ANKRD44: variants seen among roughly 807,000 people sequenced by gnomAD.
The protein encoded by ANKRD44 is serine/threonine-protein phosphatase 6 regulatory ankyrin repeat subunit B.
In ANKRD44, 35 loss-of-function variants were observed where a neutral mutation model predicts 116.0. That is an observed-to-expected ratio of 0.30 (90% CI 0.23 to 0.40). The LOEUF is 0.40. Ranked by LOEUF, ANKRD44 falls within the 10% of genes least tolerant of loss-of-function variation. ANKRD44 has a pLI of 1.00. For synonymous variants in ANKRD44, 435 were observed against 461.8 expected, an observed-to-expected ratio of 0.94 and a Z score of 0.74; for missense variants, 1,014 against 1,242.6, an observed-to-expected ratio of 0.82 and a Z score of 2.77.
intron 1 of ANKRD44, among the ~76,000 whole-genome samples, chr2:197,288,019 CAA>C (rs10666895): frequency 1.2e-5 from 1 of 81,792 alleles, no homozygotes; most frequent in Non-Finnish European, 2.3e-5. Flanking sequence ...GACTCAGTCT[CAA>C]AAAAAAAAAA....
chr2:197,188,799 G>A (rs1263276682), intron 1 of ANKRD44, among the ~76,000 whole-genome samples: 2 of 152,094 alleles, frequency 1.3e-5, no homozygotes, highest in Non-Finnish European at 1.5e-5. Flanking sequence ...CCTAGTAGTC[G>A]ATTAGATGAC....
chr2:197,103,040 A>T (rs10176750), intron 9 of ANKRD44, among the ~76,000 whole-genome samples: 1,972 of 152,030 alleles, frequency 0.013, 20 homozygotes, highest in Middle Eastern at 0.031. Flanking sequence ...CCATCCTGGC[A>T]AACACGGTGA....
Position 197,132,590 on chromosome 2 carries a change from C to A in ANKRD44, c.261+4002G>T, listed in dbSNP as rs557455029. Among the ~76,000 whole-genome samples, 15 of 152,252 alleles carry A rather than the reference C, an allele frequency of 9.9e-5. No individual in the cohort carries two copies. In the East Asian group the frequency reaches 2.7e-3, roughly 27 times the overall value. ...ATCTGTGTTATATGCAATTGCAAAACCAGCCTTGATTTTGCAGGTTTCAGT... is the reference window on the plus strand; with the variant it reads ...ATCTGTGTTATATGCAATTGCAAAAACAGCCTTGATTTTGCAGGTTTCAGT... On this transcript the variant is annotated intron_variant, in intron 4 of 27. Coordinates refer to ENST00000282272, the MANE Select transcript of ANKRD44 (RefSeq NM_001195144.2).
At chr2:196,986,014 T>A (rs72922638), downstream of ANKRD44, among the ~76,000 whole-genome samples, 5 of 152,136 alleles carry the variant, frequency 3.3e-5, no homozygotes, top group Non-Finnish European at 7.4e-5. Flanking sequence ...AAGCTTCCTC[T>A]TTTTTGATGT....
chr2:197,197,163 T>C lies in ANKRD44; in HGVS notation c.28-10057A>G, dbSNP rs528790218. Among the ~76,000 whole-genome samples, 92 of 152,238 alleles carry C rather than the reference T, an allele frequency of 6.0e-4. 3 individuals carry two copies. The South Asian group carries it at 0.019, about 31-fold the overall frequency. ...ATTAGAGAATCCCCTCAGTGTAGTCTTTCAGGAAGCATCTTCTCATTTCCC... is the reference window on the plus strand; with the variant it reads ...ATTAGAGAATCCCCTCAGTGTAGTCCTTCAGGAAGCATCTTCTCATTTCCC... On this transcript the variant is annotated intron_variant, in intron 1 of 27. Coordinates refer to ENST00000282272, the MANE Select transcript of ANKRD44 (RefSeq NM_001195144.2).
chr2:197,208,552 G>A (rs2081257711), intron 1 of ANKRD44, among the ~76,000 whole-genome samples: 2 of 152,164 alleles, frequency 1.3e-5, no homozygotes, highest in Admixed American at 1.3e-4. Flanking sequence ...CCCAATCCCA[G>A]CACTTTGGGA....
intron 17 of ANKRD44, among the ~76,000 whole-genome samples, chr2:197,021,488 C>A (rs1449187042): frequency 6.6e-6 from 1 of 152,202 alleles, no homozygotes; most frequent in Non-Finnish European, 1.5e-5. Flanking sequence ...TTAATGATCG[C>A]CATTCTAACT....
At chr2:196,990,423 C>A in intron 27 of ANKRD44, 6 of 1,140,374 alleles carry the variant, frequency 5.3e-6, no homozygotes, top group Non-Finnish European at 6.4e-6. Flanking sequence ...ATCTTTTATT[C>A]TTTATTTAAA....
At chr2:197,050,047 GCTGGCATCTGCT>G (rs1574351742) in intron 16 of ANKRD44, among the ~76,000 whole-genome samples, 1 of 152,238 alleles carries the variant, frequency 6.6e-6, no homozygotes, top group East Asian at 1.9e-4. Context: ...GAAGCATGAG[GCTGGCATCTGCT>G]CAGCTTCTGG....
chr2:197,260,184 T>A, intron 1 of ANKRD44, among the ~76,000 whole-genome samples: 1 of 152,146 alleles, frequency 6.6e-6, no homozygotes, highest in Non-Finnish European at 1.5e-5. Context: ...GCTGCACCCA[T>A]TAACTCGTCA....
intron 9 of ANKRD44, among the ~76,000 whole-genome samples, chr2:197,102,664 A>G (rs563468374): frequency 6.6e-6 from 1 of 152,310 alleles, no homozygotes; most frequent in Admixed American, 6.5e-5. Flanking sequence ...GTCCTTAAAC[A>G]TATACACAAT....
chr2:197,040,129 C>T (rs1164939004), intron 16 of ANKRD44, among the ~76,000 whole-genome samples: 2 of 151,894 alleles, frequency 1.3e-5, no homozygotes, highest in Non-Finnish European at 2.9e-5. Flanking sequence ...GTCTCAGCTA[C>T]TCAGGAGGCT....
intron 21 of ANKRD44, among the ~76,000 whole-genome samples, chr2:196,971,197 G>T (rs2075713490): frequency 6.6e-6 from 1 of 151,988 alleles, no homozygotes; most frequent in African/African-American, 2.4e-5. Flanking sequence ...TTATAGAGTA[G>T]GTCCTGACAT....
intron 24 of ANKRD44, 45 bp downstream of exon 24, chr2:196,998,862 T>C (rs917377123): frequency 1.3e-6 from 2 of 1,595,888 alleles, no homozygotes; most frequent in Admixed American, 1.8e-5. Flanking sequence ...ATTATTTTGG[T>C]TTTTGCATGG....
Position 196,988,824 on chromosome 2 carries a change from A to G in ANKRD44, c.*767T>C, listed in dbSNP as rs1424589305. The G allele has an allele frequency of 2.0e-6, 2 of 985,264 alleles. No homozygotes were observed. Among genetic ancestry groups the G allele is most frequent in the Non-Finnish European group, 2.4e-6 (2 of 829,942 alleles). The allele number at this position is 985,264 out of a possible 1,614,324, so 61.0% of individuals were successfully genotyped here. ...GCACATGTGCCCACACACTGCCATC[A>G]TTTCTCATCAGGTTACTGAGACTAT... On this transcript the variant is annotated 3_prime_UTR_variant, in exon 28 of 28. Coordinates refer to ENST00000282272, the MANE Select transcript of ANKRD44 (RefSeq NM_001195144.2).
At chr2:197,246,680 A>C (rs938617010) in intron 1 of ANKRD44, among the ~76,000 whole-genome samples, 6 of 152,020 alleles carry the variant, frequency 3.9e-5, no homozygotes. Context: ...CCTGACACAC[A>C]TTTTCTACAC....
chr2:197,134,686 C>T (rs547094933), intron 4 of ANKRD44: 15 of 152,172 alleles, frequency 9.9e-5, no homozygotes, highest in African/African-American at 3.1e-4. Context: ...CAGAGACCAT[C>T]GGTCTTAGTT....
rs543096947 is a variant in ANKRD44 at position 197,201,656 on chromosome 2, T to G, written c.28-14550A>C. On this transcript the variant is annotated intron_variant, in intron 1 of 27. Transcript: ENST00000282272. This position sits in a 1 kb window ranked among gnomAD's most constrained non-coding sequence, Gnocchi z 4.0. ...TTATGTCAAAACTCAGAGCTGTTGTTTTTATATTTTGTTTTTGTGTTTTGT... is the reference window on the plus strand; with the variant it reads ...TTATGTCAAAACTCAGAGCTGTTGTGTTTATATTTTGTTTTTGTGTTTTGT... 1.6e-4 allele frequency among the ~76,000 whole-genome samples: 25 copies of G among 152,172 alleles called. No homozygotes were observed. The highest frequency in any genetic ancestry group is 3.2e-4 in the Non-Finnish European group (22 of 68,028).
intron 1 of ANKRD44, among the ~76,000 whole-genome samples, chr2:197,218,429 T>A (rs569577898): frequency 1.5e-4 from 23 of 152,290 alleles, no homozygotes; most frequent in Admixed American, 1.0e-3. Flanking sequence ...CTTCACCCAG[T>A]GAACATGGCA....
Sources: gnomAD v4.1 joint callset for allele counts (sites outside exome capture counted in the v4.1 genomes callset) on GRCh38, gnomAD v4.1.1 for gene constraint, Gnocchi (gnomAD v3.1) non-coding constraint, MANE v1.5 for transcripts, NCBI Gene and HGNC (gene_info 2026-07-23, HGNC 2026-07-21) for gene names.